The following ROBO2 variants were observed in gnomAD, a reference collection of about 807,000 sequenced individuals.
ROBO2 encodes roundabout guidance receptor 2.
Under a neutral mutation model 160.8 loss-of-function variants are expected in ROBO2, and 53 were observed. The observed-to-expected ratio is 0.33, with a 90% confidence interval of 0.26 to 0.41. The LOEUF (loss-of-function observed/expected upper bound fraction) is 0.41, where lower values mean the gene tolerates loss of function less well. Ranked by LOEUF, ROBO2 falls within the 10% of genes least tolerant of loss-of-function variation. ROBO2 has a pLI of 1.00. For synonymous variants in ROBO2, 664 were observed against 611.7 expected (o/e 1.09, Z -1.26); for missense variants, 1,577 against 1,722.4 (o/e 0.92, Z 1.49).
At chr3:76,927,472 A>G (rs2077057501) in intron 2 of ROBO2, among the ~76,000 whole-genome samples, 1 of 152,170 alleles carries the variant, frequency 6.6e-6, no homozygotes, top group Non-Finnish European at 1.5e-5. Context: ...TAAACCCTTG[A>G]CATTTCTGAT....
chr3:76,625,162 C>T (rs1019389096), intron 2 of ROBO2, among the ~76,000 whole-genome samples: 1 of 152,074 alleles, frequency 6.6e-6, no homozygotes, highest in Non-Finnish European at 1.5e-5. Flanking sequence ...ATGTAAAATA[C>T]TAATTTAATA....
chr3:77,596,493 G>A, intron 18 of ROBO2, 130 bp from the exon 20 acceptor site: 1 of 1,139,634 alleles, frequency 8.8e-7, no homozygotes, highest in South Asian at 1.3e-5. Context: ...TTTAATTCCA[G>A]GGAGTCTACT....
chr3:76,707,375 A>T (rs1430418014), intron 2 of ROBO2, among the ~76,000 whole-genome samples: 1 of 152,110 alleles, frequency 6.6e-6, no homozygotes, highest in Non-Finnish European at 1.5e-5. Context: ...ATGACAGGTG[A>T]TGCTTTACAT....
At chr3:77,114,675 G>A (rs1001992650) in intron 2 of ROBO2, among the ~76,000 whole-genome samples, 10 of 151,950 alleles carry the variant, frequency 6.6e-5, no homozygotes, top group Admixed American at 5.2e-4. Context: ...CAGTACTTCT[G>A]GTCCCTTTAG....
rs528383829 is a variant in ROBO2, at chr3:76,432,134, T to G, written c.109+494532T>G. On this transcript the variant is annotated intron_variant, in intron 2 of 26. Coordinates refer to the ROBO2 transcript ENST00000487694. ...GTATGTTTACAACTTTATAACACAA[T>G]TAATAAAAAGTGCAAAGTTGGACTT... 3.9e-5 allele frequency among the ~76,000 whole-genome samples: 6 copies of G among 152,232 alleles called. No homozygotes were observed. The South Asian group carries it at 1.2e-3, about 32-fold the overall frequency.
chr3:76,773,287 T>A (rs2062030087), intron 2 of ROBO2, among the ~76,000 whole-genome samples: 1 of 144,718 alleles, frequency 6.9e-6, no homozygotes. Flanking sequence ...ATATTTATTC[T>A]GTTTTTTTTA....
chr3:77,482,056 T>A (rs899086078), intron 4 of ROBO2, among the ~76,000 whole-genome samples: 1 of 152,168 alleles, frequency 6.6e-6, no homozygotes, highest in South Asian at 2.1e-4. Flanking sequence ...TGTATAGACA[T>A]ACACATTTAT....
chr3:77,332,761 T>G (rs1412479171), intron 2 of ROBO2, among the ~76,000 whole-genome samples: 1 of 152,204 alleles, frequency 6.6e-6, no homozygotes, highest in Non-Finnish European at 1.5e-5. Context: ...AAACAGATAA[T>G]GTTTGTAAAT....
chr3:75,930,485 A>G (rs2106929630), intron 1 of ROBO2, among the ~76,000 whole-genome samples: 1 of 152,012 alleles, frequency 6.6e-6, no homozygotes, highest in East Asian at 1.9e-4. Flanking sequence ...CTCTTCCCCA[A>G]TTTTAAATAT....
chr3:76,119,254 G>C (rs933467249), intron 2 of ROBO2, among the ~76,000 whole-genome samples: 1 of 152,216 alleles, frequency 6.6e-6, no homozygotes, highest in Non-Finnish European at 1.5e-5. Context: ...TTTTCGATGG[G>C]TGAAATGAAC....
chr3:76,009,322 C>G (rs1408664551), intron 2 of ROBO2, among the ~76,000 whole-genome samples: 1 of 152,156 alleles, frequency 6.6e-6, no homozygotes, highest in Admixed American at 6.5e-5. Context: ...CCAGGATGGT[C>G]TCGATCTCCT....
intron 2 of ROBO2, among the ~76,000 whole-genome samples, chr3:76,152,952 T>C (rs1404722509): frequency 2.0e-5 from 3 of 152,186 alleles, no homozygotes; most frequent in African/African-American, 7.2e-5. Context: ...TTCTTCTAAA[T>C]TCCAGAAATA....
intron 2 of ROBO2, among the ~76,000 whole-genome samples, chr3:76,448,987 A>AG (rs2077336626): frequency 6.6e-6 from 1 of 151,534 alleles, no homozygotes; most frequent in Non-Finnish European, 1.5e-5. Flanking sequence ...ATTCTTACAA[A>AG]GCAATTTTTA....
At chr3:77,207,536 A>G (rs1486097898) in intron 2 of ROBO2, among the ~76,000 whole-genome samples, 1 of 152,190 alleles carries the variant, frequency 6.6e-6, no homozygotes, top group Non-Finnish European at 1.5e-5. Context: ...TATGCATAGG[A>G]ATGTACATAA....
At chr3:76,594,761 T>G in intron 2 of ROBO2, among the ~76,000 whole-genome samples, 1 of 152,074 alleles carries the variant, frequency 6.6e-6, no homozygotes, top group East Asian at 1.9e-4. Flanking sequence ...TTCCCAAATT[T>G]ACTTTGAGGT....
At chr3:77,064,560 C>T (rs1404048944) in intron 1 of ROBO2, among the ~76,000 whole-genome samples, 1 of 151,938 alleles carries the variant, frequency 6.6e-6, no homozygotes, top group East Asian at 1.9e-4. Flanking sequence ...AGGTTTTTGC[C>T]ATATTGGCCC....
chr3:76,516,697 C>G (rs2081363310), intron 2 of ROBO2, among the ~76,000 whole-genome samples: 1 of 152,062 alleles, frequency 6.6e-6, no homozygotes, highest in Non-Finnish European at 1.5e-5. Flanking sequence ...CTGAGAGATT[C>G]TGTTTTCTGA....
At chr3:76,331,652 T>G (rs545957757) in intron 2 of ROBO2, among the ~76,000 whole-genome samples, 1 of 152,054 alleles carries the variant, frequency 6.6e-6, no homozygotes, top group Admixed American at 6.6e-5. Flanking sequence ...TAGGGAAACA[T>G]TAATATTTGT....
intron 2 of ROBO2, among the ~76,000 whole-genome samples, chr3:75,991,663 C>A (rs981874996): frequency 6.6e-6 from 1 of 151,536 alleles, no homozygotes; most frequent in African/African-American, 2.4e-5. Context: ...TGAAAAGATA[C>A]CCCAAAATGT....
Sources: gnomAD v4.1 joint callset for allele counts (sites outside exome capture counted in the v4.1 genomes callset) on GRCh38, gnomAD v4.1.1 for gene constraint, MANE v1.5 for transcripts, NCBI Gene and HGNC (gene_info 2026-07-23, HGNC 2026-07-21) for gene names.